EFNA5: variants seen among roughly 807,000 people sequenced by gnomAD.
The protein encoded by EFNA5 is ephrin-A5.
Under a neutral mutation model 22.9 loss-of-function variants are expected in EFNA5, and 5 were observed. The observed-to-expected ratio is 0.22, with a 90% CI of 0.11 to 0.46. The LOEUF (loss-of-function observed/expected upper bound fraction) is 0.46. EFNA5 is among the 20% of genes least tolerant of loss of function. The pLI is 0.99. For missense variants in EFNA5, 237 were observed against 293.3 expected (o/e 0.81, Z 1.40); for synonymous variants, 113 against 112.2 (o/e 1.01, Z -0.04).
chr5:107,535,804 T>A (rs1747918451), intron 1 of EFNA5, among the ~76,000 whole-genome samples: 1 of 152,196 alleles, frequency 6.6e-6, no homozygotes, highest in Non-Finnish European at 1.5e-5. Context: ...ATCACTATCA[T>A]TACTCCCAGT....
chr5:107,615,426 T>G (rs1473142530), intron 1 of EFNA5, among the ~76,000 whole-genome samples: 1 of 152,102 alleles, frequency 6.6e-6, no homozygotes, highest in East Asian at 1.9e-4. Flanking sequence ...CACTACTGAT[T>G]GAGAAGGCAT....
intron 1 of EFNA5, among the ~76,000 whole-genome samples, chr5:107,540,213 T>C (rs1316088314): frequency 2.0e-5 from 3 of 152,158 alleles, no homozygotes; most frequent in South Asian, 2.1e-4. Flanking sequence ...TCAAGCTTTA[T>C]GAACATACAT....
chr5:107,619,006 C>G (rs1271891522), intron 1 of EFNA5, among the ~76,000 whole-genome samples: 6 of 151,872 alleles, frequency 4.0e-5, no homozygotes, highest in Non-Finnish European at 8.8e-5. Flanking sequence ...ACTGCAAGCT[C>G]TGCCTCCCGG....
At chr5:107,504,233 G>C (rs1198597273) in intron 1 of EFNA5, among the ~76,000 whole-genome samples, 1 of 152,088 alleles carries the variant, frequency 6.6e-6, no homozygotes, top group Non-Finnish European at 1.5e-5. Flanking sequence ...TCATTCTTAA[G>C]GTTTGAATTA....
chr5:107,640,788 T>C (rs966363470), intron 1 of EFNA5, among the ~76,000 whole-genome samples: 3 of 152,188 alleles, frequency 2.0e-5, no homozygotes, highest in African/African-American at 4.8e-5. Context: ...GCTATACAGA[T>C]ACTTTGAAAG....
rs80234368 is a variant in EFNA5 at position 107,588,235 on chromosome 5, A to T, written c.125+82254T>A. On this transcript the variant is annotated intron_variant, in intron 1 of 4. Coordinates refer to ENST00000333274, the MANE Select transcript of EFNA5 (RefSeq NM_001962.3). ...AAATAACCAGATATTATTTTTCGTT[A>T]AAAAAAAAAAGCAACAGAGATAGAC... is the stretch of plus-strand genomic sequence containing the variant. 3.7e-3 allele frequency among the ~76,000 whole-genome samples: 488 copies of T among 133,510 alleles called. 4 individuals carry two copies. Among genetic ancestry groups the T allele is most frequent in the African/African-American group, 0.016 (477 of 29,902 alleles). The allele number at this position is 133,510 out of a possible 152,430, so 87.6% of individuals were successfully genotyped here.
At chr5:107,626,283 A>G (rs1278537817) in intron 1 of EFNA5, among the ~76,000 whole-genome samples, 1 of 151,634 alleles carries the variant, frequency 6.6e-6, no homozygotes, top group Non-Finnish European at 1.5e-5. Flanking sequence ...TTTTCTTACT[A>G]TTTTTTTGAG....
At chr5:107,600,607 C>T (rs1561445918) in intron 1 of EFNA5, among the ~76,000 whole-genome samples, 1 of 152,022 alleles carries the variant, frequency 6.6e-6, no homozygotes, top group Non-Finnish European at 1.5e-5. Context: ...ATGCCTCAGC[C>T]TCCCGAGTAG....
chr5:107,433,081 G>A (rs1436350174), intron 1 of EFNA5, among the ~76,000 whole-genome samples: 1 of 152,106 alleles, frequency 6.6e-6, no homozygotes, highest in Non-Finnish European at 1.5e-5. Flanking sequence ...TAATGGCAAG[G>A]CTTCCAAGCA....
chr5:107,379,405 T>C lies in EFNA5; in HGVS notation c.*1850A>G, dbSNP rs770325534. The C allele has an allele frequency of 1.3e-5, 2 of 152,180 alleles. No homozygotes were observed. Among genetic ancestry groups the C allele is most frequent in the African/African-American group, 2.4e-5 (1 of 41,454 alleles). 9.4% of individuals were successfully genotyped at this position (152,180 alleles called of 1,614,324 possible). A position where few individuals can be genotyped will look rare whatever the true frequency, so the allele number is the denominator to read the frequency against. On this transcript the variant is annotated 3_prime_UTR_variant, in exon 5 of 5. Transcript: ENST00000333274. ...TGTCCATAATGCGACCTTCTCTTTT[T>C]TTAACATATACATCTTAAAAAACAA...
At chr5:107,461,777 T>A (rs905854497) in intron 1 of EFNA5, among the ~76,000 whole-genome samples, 4 of 152,158 alleles carry the variant, frequency 2.6e-5, no homozygotes, top group Non-Finnish European at 5.9e-5. Flanking sequence ...TGTTGGTTCA[T>A]AAAGAATCAA....
chr5:107,560,180 T>C (rs1748505260), intron 1 of EFNA5, among the ~76,000 whole-genome samples: 1 of 152,374 alleles, frequency 6.6e-6, no homozygotes, highest in Non-Finnish European at 1.5e-5. Context: ...GGCTAAAGAA[T>C]GAATTACTTT....
chr5:107,478,715 G>A (rs891052341), intron 1 of EFNA5, among the ~76,000 whole-genome samples: 6 of 152,128 alleles, frequency 3.9e-5, no homozygotes, highest in African/African-American at 1.4e-4. Context: ...AATAGGACAA[G>A]GTCACCTGAG....
chr5:107,670,863 G>A lies in EFNA5; in HGVS notation c.-250C>T, dbSNP rs1751186226. 1 of 487,154 alleles carries A rather than the reference G, an allele frequency of 2.1e-6. No individual in the cohort carries two copies. The highest frequency in any genetic ancestry group is 4.0e-5 in the East Asian group (1 of 25,032). The allele number at this position is 487,154 out of a possible 1,614,324, so 30.2% of individuals were successfully genotyped here. A position where few individuals can be genotyped will look rare whatever the true frequency, so the allele number is the denominator to read the frequency against. ...ACTCGCACCCCCACTGGAGGGTTCA[G>A]GAGGAAAAAGGAATCACAAGATGGA... is the stretch of plus-strand genomic sequence containing the variant. On this transcript the variant is annotated 5_prime_UTR_variant, in exon 1 of 5. Coordinates refer to ENST00000333274, the MANE Select transcript of EFNA5 (RefSeq NM_001962.3).
chr5:107,608,318 G>C (rs769079481), intron 1 of EFNA5, among the ~76,000 whole-genome samples: 2 of 152,136 alleles, frequency 1.3e-5, no homozygotes, highest in Non-Finnish European at 2.9e-5. Context: ...ACCGTGTTAG[G>C]AGACTTGATG....
intron 1 of EFNA5, among the ~76,000 whole-genome samples, chr5:107,591,840 T>C (rs1486175406): frequency 1.0e-5 from 1 of 99,112 alleles, no homozygotes; most frequent in East Asian, 2.5e-4. Context: ...TATATATATA[T>C]ATAAAATATA....
chr5:107,628,924 T>C (rs555772522), intron 1 of EFNA5, among the ~76,000 whole-genome samples: 7 of 152,290 alleles, frequency 4.6e-5, no homozygotes, highest in African/African-American at 4.8e-5. Context: ...CATATAATCA[T>C]TGTATTTTCT....
intron 1 of EFNA5, among the ~76,000 whole-genome samples, chr5:107,556,455 A>G (rs1449293639): frequency 6.6e-6 from 1 of 152,196 alleles, no homozygotes; most frequent in African/African-American, 2.4e-5. Flanking sequence ...CTTAATAAAT[A>G]AATATCTCAG....
chr5:107,638,109 T>C (rs1750424897), intron 1 of EFNA5, among the ~76,000 whole-genome samples: 1 of 152,126 alleles, frequency 6.6e-6, no homozygotes, highest in East Asian at 1.9e-4. Flanking sequence ...CACCTTGGCC[T>C]CTCAAAGTGC....
Sources: allele counts gnomAD v4.1 joint callset (sites outside exome capture counted in the v4.1 genomes callset), GRCh38; gene constraint gnomAD v4.1.1; transcripts MANE v1.5; gene names NCBI Gene and HGNC (gene_info 2026-07-23, HGNC 2026-07-21).